Variants in CELF6 observed in about 807,000 individuals in gnomAD.
CELF6 encodes Bruno -like 6, RNA binding protein.
A neutral mutation model predicts 53.1 loss-of-function variants in CELF6; 32 were observed. The observed-to-expected ratio is 0.60, with a 90% CI of 0.46 to 0.81. The LOEUF (loss-of-function observed/expected upper bound fraction) is 0.81, where lower values mean the gene tolerates loss of function less well. CELF6 is among the 30% of genes least tolerant of loss of function. The pLI is 0.00. For missense variants in CELF6, 539 were observed against 669.5 expected (o/e 0.81, Z 2.15); for synonymous variants, 291 against 288.8 (o/e 1.01, Z -0.08).
Position 72,289,187 on chromosome 15 carries a change from G to T in CELF6, c.981C>A (p.Gly327=). 6.4e-7 allele frequency: 1 copy of T among 1,561,764 alleles called. No homozygotes were observed. Among genetic ancestry groups the T allele is most frequent in the Non-Finnish European group, 8.6e-7 (1 of 1,163,984 alleles). ...TGTAGAGCGTGTCGGAGCCCGGCTG[G>T]CCATTGGTCTGGGGGGTCAGAGGGC... The part of the protein sequence containing the change: ...GFGPLTPQTN[G]QPGSDTLYNN... Residue 327 remains glycine, a synonymous_variant, in exon 8 of 13, where the codon GGC becomes GGA. Coordinates refer to ENST00000287202, the MANE Select transcript of CELF6 (RefSeq NM_052840.5). This position sits in a 1 kb window ranked among gnomAD's most constrained non-coding sequence, Gnocchi z 7.6.
At position 72,315,941 on chromosome 15, in the gene CELF6, G is replaced by A. The variant is rs1035692203; in HGVS notation, c.263-14C>T. ...GGAAGGCACAGCCTGAGGAGGAAGA[G>A]GCTGGCTCAGGGGGTTTCCTGAAAC... On this transcript the variant is annotated splice_polypyrimidine_tract_variant and intron_variant, in intron 1 of 12. Coordinates refer to ENST00000287202, the MANE Select transcript of CELF6 (RefSeq NM_052840.5). 1.9e-6 allele frequency: 3 copies of A among 1,586,038 alleles called. No individual in the cohort carries two copies. Among genetic ancestry groups the A allele is most frequent in the Admixed American group, 1.8e-5 (1 of 57,016 alleles).
chr15:72,313,177 G>A (rs756074373), intron 2 of CELF6, among the ~76,000 whole-genome samples: 12 of 152,218 alleles, frequency 7.9e-5, no homozygotes, highest in Non-Finnish European at 1.6e-4. Flanking sequence ...AAGTGAATGA[G>A]TTCTAGGGCC....
At chr15:72,315,775 G>T (rs2088355010) in intron 2 of CELF6, 70 bp downstream of exon 2, 3 of 1,078,226 alleles carry the variant, frequency 2.8e-6, no homozygotes, top group Non-Finnish European at 1.3e-6. Context: ...CCCACATGCT[G>T]CTTTGGCATG....
chr15:72,302,784 C>G (rs1189204949), intron 3 of CELF6, among the ~76,000 whole-genome samples: 1 of 152,316 alleles, frequency 6.6e-6, no homozygotes, highest in East Asian at 1.9e-4. Flanking sequence ...GCCCAACATG[C>G]TTGCTCCCTC....
At position 72,309,955 on chromosome 15, in the gene CELF6, A is replaced by G. The variant is rs2088274921; in HGVS notation, c.346-5161T>C. On this transcript the variant is annotated intron_variant, in intron 2 of 12. Coordinates refer to ENST00000287202, the MANE Select transcript of CELF6 (RefSeq NM_052840.5). ...GATAGAATGTCAGAGAGAACAACCT[A>G]TTCCAGGCAATGGAGTGGGAAAGGT... is the stretch of plus-strand genomic sequence containing the variant. Among the ~76,000 whole-genome samples the G allele has an allele frequency of 3.3e-5, 5 of 152,134 alleles. No individual in the cohort carries two copies. In the South Asian group the frequency reaches 1.0e-3, roughly 31 times the overall value.
rs1287798543 is a variant in CELF6 at position 72,289,988 on chromosome 15, C to A, written c.554G>T (p.Gly185Val). Residue 185 changes from glycine (G) to valine (V), a missense_variant, in exon 5 of 13, where the codon GGG becomes GTG. Around this residue, in one of 3 missense-constraint regions of CELF6, gnomAD observed 358 missense variants for 412.8 expected, o/e 0.87. Transcript: ENST00000287202. This position sits in a 1 kb window ranked among gnomAD's most constrained non-coding sequence, Gnocchi z 7.6. ...GCAFVKFGSQ[G>V]EAQAAIRGLH... The stretch of plus-strand genomic sequence containing the variant: ...ACCCCGGATGGCCGCCTGAGCTTCC[C>A]CTTGACTCCCGAACTTCACAAAGGC... The A allele has an allele frequency of 6.3e-7, 1 of 1,597,312 alleles. No individual in the cohort carries two copies. Among genetic ancestry groups the A allele is most frequent in the Admixed American group, 1.7e-5 (1 of 57,796 alleles).
intron 11 of CELF6, 118 bp from the exon 12 acceptor site, chr15:72,287,510 C>T (rs1337790279): frequency 2.6e-5 from 29 of 1,116,502 alleles, no homozygotes; most frequent in Non-Finnish European, 3.4e-5. Flanking sequence ...ACACATACCC[C>T]TCCACTGTTT....
At chr15:72,315,446 G>T (rs2140307789) in intron 2 of CELF6, among the ~76,000 whole-genome samples, 1 of 152,272 alleles carries the variant, frequency 6.6e-6, no homozygotes, top group East Asian at 1.9e-4. Context: ...CTAGAGAGAA[G>T]TTCCAGCAAG....
intron 3 of CELF6, among the ~76,000 whole-genome samples, chr15:72,300,770 G>C (rs1314371325): frequency 2.0e-5 from 3 of 151,976 alleles, no homozygotes; most frequent in African/African-American, 7.3e-5. Context: ...GGAGGCAGAG[G>C]TTGCGTTGAG....
rs769999272 is a variant in CELF6, at chr15:72,289,250, G to A, written c.918C>T (p.Leu306=). The change falls in exon 8 of 13, where the codon CTC becomes CTT. Residue 306 remains leucine (L), a synonymous_variant. Coordinates refer to ENST00000287202, the MANE Select transcript of CELF6 (RefSeq NM_052840.5). This position sits in a 1 kb window ranked among gnomAD's most constrained non-coding sequence, Gnocchi z 7.6. ...CCCCGATGGGCGCCGGAAGACCTGGGAGGGTGCCAGGGCCGCTGCCAGGCG... is the reference window on the plus strand; with the variant it reads ...CCCCGATGGGCGCCGGAAGACCTGGAAGGGTGCCAGGGCCGCTGCCAGGCG... ...NSPPGSGPGT[L]PGLPAPIGVN... 7 of 1,584,100 alleles carry A rather than the reference G, an allele frequency of 4.4e-6. No individual in the cohort carries two copies. Among genetic ancestry groups the A allele is most frequent in the Non-Finnish European group, 6.0e-6 (7 of 1,169,602 alleles).
intron 3 of CELF6, among the ~76,000 whole-genome samples, chr15:72,291,843 G>A (rs1028777773): frequency 1.3e-5 from 2 of 152,130 alleles, no homozygotes; most frequent in African/African-American, 2.4e-5. Context: ...GGTACCATCC[G>A]ATGATCCTTG....
chr15:72,289,595 C>A lies in CELF6; in HGVS notation c.747+32G>T. On this transcript the variant is annotated intron_variant, in intron 6 of 12. Transcript: ENST00000287202. The surrounding 1 kb of genome is among the most constrained non-coding windows in gnomAD (Gnocchi z 7.6). ...GCCCCAGGCCTGGCCCACCCACCTG[C>A]GCGCCCTCGCACGCAGGTGCCCGGT... 6.8e-7 allele frequency: 1 copy of A among 1,476,892 alleles called. No homozygotes were observed. Among genetic ancestry groups the A allele is most frequent in the South Asian group, 1.3e-5 (1 of 76,186 alleles). 91.5% of individuals were successfully genotyped at this position (1,476,892 alleles called of 1,614,324 possible).
In CELF6 at chr15:72,314,589, G is replaced by GTTTTTTTTTTTTTTTTTTTTTTTTTTTTT. The variant is rs984879836; in HGVS notation, c.345+1255_345+1256insAAAAAAAAAAAAAAAAAAAAAAAAAAAAA. The stretch of plus-strand genomic sequence containing the variant: ...AGGTCTGTGAGACTCAAAACCCAGT[G>GTTTTTTTTTTTTTTTTTTTTTTTTTTTTT]TTTTTTTTTTTTTTTTTTTTTTTGA... On this transcript the variant is annotated intron_variant, in intron 2 of 12. Transcript: ENST00000287202. Among the ~76,000 whole-genome samples the GTTTTTTTTTTTTTTTTTTTTTTTTTTTTT allele has an allele frequency of 1.4e-4, 14 of 97,844 alleles. 1 individual carries two copies. The highest frequency in any genetic ancestry group is 6.3e-4 in the African/African-American group (13 of 20,712). 64.2% of individuals were successfully genotyped at this position (97,844 alleles called of 152,430 possible). A position where few individuals can be genotyped will look rare whatever the true frequency, so the allele number is the denominator to read the frequency against.
In CELF6 at chr15:72,304,378, T is replaced by C. The variant is rs533699843; in HGVS notation, c.394+368A>G. Among the ~76,000 whole-genome samples, 9 of 152,234 alleles carry C rather than the reference T, an allele frequency of 5.9e-5. No individual in the cohort carries two copies. The South Asian group carries it at 1.7e-3, about 28-fold the overall frequency. ...ACTGTGTTTTCTGATATCAGAAGGA[T>C]ATGGAGAAGGAGAATAACCCCCACC... On this transcript the variant is annotated intron_variant, in intron 3 of 12. Coordinates refer to ENST00000287202, the MANE Select transcript of CELF6 (RefSeq NM_052840.5).
In CELF6 at chr15:72,290,056, A is replaced by G. The variant is rs188442869; in HGVS notation, c.524-38T>C. ...AGAGGGAGCGGGTGGCTCAGGCCAC[A>G]GGGGCCAAAGAGTTATGTGGCCCAG... On this transcript the variant is annotated intron_variant, in intron 4 of 12. Coordinates refer to ENST00000287202, the MANE Select transcript of CELF6 (RefSeq NM_052840.5). The G allele has an allele frequency of 7.4e-6, 12 of 1,613,274 alleles. No individual in the cohort carries two copies. In the African/African-American group the frequency reaches 1.5e-4, roughly 20 times the overall value.
chr15:72,304,892 G>A lies in CELF6; in HGVS notation c.346-98C>T. 9 of 1,088,580 alleles carry A rather than the reference G, an allele frequency of 8.3e-6. 1 individual carries two copies. The South Asian group carries it at 1.2e-4, about 14-fold the overall frequency. The allele number at this position is 1,088,580 out of a possible 1,614,324, so 67.4% of individuals were successfully genotyped here. Reference sequence around the variant, plus strand: ...TGGACTCCTCAGGATCTGAGCCCTAGCCCCTTTGAACTCTGCACTCTACCA... The same window carrying A: ...TGGACTCCTCAGGATCTGAGCCCTAACCCCTTTGAACTCTGCACTCTACCA... On this transcript the variant is annotated intron_variant, in intron 2 of 12. Transcript: ENST00000287202.
intron 3 of CELF6, among the ~76,000 whole-genome samples, chr15:72,291,446 G>C (rs1473742527): frequency 2.6e-5 from 4 of 152,134 alleles, no homozygotes; most frequent in Non-Finnish European, 5.9e-5. Flanking sequence ...CTGGTTTCAG[G>C]CTTCATCTTC....
chr15:72,292,677 CT>C (rs2088021379), intron 3 of CELF6, among the ~76,000 whole-genome samples: 1 of 152,204 alleles, frequency 6.6e-6, no homozygotes, highest in Non-Finnish European at 1.5e-5. Context: ...CCTCTTGTTG[CT>C]TTTTCTGCTG....
At chr15:72,304,397 C>A (rs1200315095) in intron 3 of CELF6, among the ~76,000 whole-genome samples, 2 of 152,130 alleles carry the variant, frequency 1.3e-5, no homozygotes, top group East Asian at 3.9e-4. Context: ...GGAGAATAAC[C>A]CCCACCTGAT....
Sources: gnomAD v4.1 joint callset for allele counts (sites outside exome capture counted in the v4.1 genomes callset) on GRCh38, gnomAD v4.1.1 for gene constraint, gnomAD v4.1.1 regional missense constraint, Gnocchi (gnomAD v3.1) non-coding constraint, MANE v1.5 for transcripts, NCBI Gene and HGNC (gene_info 2026-07-23, HGNC 2026-07-21) for gene names.